CHMP3: variants seen among roughly 807,000 people sequenced by gnomAD.
CHMP3 encodes the protein charged multivesicular body protein 3, also known as 25.1 protein.
A neutral mutation model predicts 27.4 loss-of-function variants in CHMP3; 8 were observed. The observed-to-expected ratio is 0.29, with a 90% confidence interval of 0.17 to 0.53. CHMP3 has a LOEUF of 0.53. Ranked by LOEUF, CHMP3 falls within the 20% of genes least tolerant of loss-of-function variation. The pLI, the probability that CHMP3 is intolerant of heterozygous loss-of-function variation, is 0.96. For synonymous variants in CHMP3, 86 were observed against 85.5 expected (o/e 1.01, Z -0.03); for missense variants, 208 against 271.5 (o/e 0.77, Z 1.64).
At chr2:86,549,428 GCGCTCCT>G (rs1676777463) in intron 1 of CHMP3, among the ~76,000 whole-genome samples, 1 of 143,444 alleles carries the variant, frequency 7.0e-6, no homozygotes, top group East Asian at 2.2e-4. Context: ...CCGGGCAGAG[GCGCTCCT>G]CAGTTCCCAG....
chr2:86,556,726 C>A (rs1677136613), intron 1 of CHMP3, among the ~76,000 whole-genome samples: 1 of 152,214 alleles, frequency 6.6e-6, no homozygotes, highest in Admixed American at 6.5e-5. Flanking sequence ...TTTGTCATTA[C>A]ATCTGTACTG....
intron 1 of CHMP3, chr2:86,563,006 G>A (rs1385662348): frequency 6.2e-6 from 2 of 320,510 alleles, no homozygotes; most frequent in Non-Finnish European, 1.1e-5. Context: ...ACGCGCGCAG[G>A]GGGAAGAGGT....
intron 1 of CHMP3, among the ~76,000 whole-genome samples, chr2:86,549,259 G>T: frequency 6.9e-6 from 1 of 144,962 alleles, no homozygotes; most frequent in Admixed American, 6.8e-5. Flanking sequence ...CTCCCAGACG[G>T]GGCGGCAGGG....
rs1410762735 is a variant in CHMP3 at position 86,503,659 on chromosome 2, C to A, written c.*2145G>T. On this transcript the variant is annotated 3_prime_UTR_variant, in exon 6 of 6. Coordinates refer to ENST00000263856, the MANE Select transcript of CHMP3 (RefSeq NM_016079.4). ...TAAGCCATGAAATGACATGGAGGAA[C>A]CTTAATTGCATATTATTAAGTGAAA... is the stretch of plus-strand genomic sequence containing the variant. 6.6e-6 allele frequency: 1 copy of A among 151,946 alleles called. No individual in the cohort carries two copies. The highest frequency in any genetic ancestry group is 1.5e-5 in the Non-Finnish European group (1 of 67,992). The allele number at this position is 151,946 out of a possible 1,614,324, so 9.4% of individuals were successfully genotyped here.
chr2:86,531,655 T>C (rs1207875940), intron 2 of CHMP3, among the ~76,000 whole-genome samples: 2 of 152,236 alleles, frequency 1.3e-5, no homozygotes, highest in African/African-American at 2.4e-5. Context: ...CATTGTTAGG[T>C]AAAGGTCCAA....
At chr2:86,545,375 C>T (rs1676531168) in intron 1 of CHMP3, among the ~76,000 whole-genome samples, 1 of 134,724 alleles carries the variant, frequency 7.4e-6, no homozygotes, top group Admixed American at 7.3e-5. Flanking sequence ...TCCTCACCTC[C>T]CGGACGGGGT....
chr2:86,525,953 G>T (rs1675694035), intron 3 of CHMP3, among the ~76,000 whole-genome samples: 1 of 152,122 alleles, frequency 6.6e-6, no homozygotes, highest in Non-Finnish European at 1.5e-5. Context: ...AAGGCATGGG[G>T]TTAGATAAGA....
At chr2:86,540,364 T>C (rs1412395063) in intron 2 of CHMP3, among the ~76,000 whole-genome samples, 1 of 152,154 alleles carries the variant, frequency 6.6e-6, no homozygotes, top group African/African-American at 2.4e-5. Context: ...TTTTCTTTTT[T>C]CTGTCTGTAC....
intron 4 of CHMP3, among the ~76,000 whole-genome samples, chr2:86,508,648 C>T (rs1674978686): frequency 6.6e-6 from 1 of 152,158 alleles, no homozygotes; most frequent in Non-Finnish European, 1.5e-5. Flanking sequence ...CAGCTCCGGC[C>T]CTGGCTCCCT....
intron 2 of CHMP3, among the ~76,000 whole-genome samples, chr2:86,536,877 C>T (rs1676165323): frequency 1.3e-5 from 2 of 152,140 alleles, no homozygotes. Context: ...CTCTTAGGCT[C>T]TGCCCATTTT....
rs572378103 is a variant in CHMP3 at position 86,529,391 on chromosome 2, T to C, written c.113A>G (p.Gln38Arg). 9.4e-6 allele frequency: 15 copies of C among 1,595,540 alleles called. No individual in the cohort carries two copies. The South Asian group carries it at 1.3e-4, about 13-fold the overall frequency. The change falls in exon 3 of 6, where the codon CAA becomes CGA. Residue 38 changes from glutamine (Q) to arginine (R), a missense_variant. Gln to Arg is a conservative substitution (Grantham distance 43). Transcript: ENST00000263856. ...RVVDRQIRDI[Q>R]REEEKVKRSV... is the part of the protein sequence containing the mutation. The stretch of plus-strand genomic sequence containing the variant: ...TCGTTTCACTTTTTCTTCTTCTCTT[T>C]GGATATCTAAATTTAGAACAGAACA...
Position 86,537,112 on chromosome 2 carries a change from G to A in CHMP3, c.106+5140C>T, listed in dbSNP as rs558765001. On this transcript the variant is annotated intron_variant, in intron 2 of 5. Transcript: ENST00000263856. ...ACTCCTGGCCTCAAGCAACACACCT[G>A]CCTCAGCCTCCCAAAGTGTTGGGAT... Among the ~76,000 whole-genome samples the A allele has an allele frequency of 4.6e-5, 7 of 152,248 alleles. No individual in the cohort carries two copies. In the South Asian group the frequency reaches 1.5e-3, roughly 32 times the overall value.
chr2:86,522,353 A>C (rs934365704), intron 3 of CHMP3, among the ~76,000 whole-genome samples: 11 of 152,120 alleles, frequency 7.2e-5, no homozygotes, highest in African/African-American at 2.7e-4. Context: ...CCTTGTCCCA[A>C]GTTCTATCCT....
intron 2 of CHMP3, 92 bp downstream of exon 2, chr2:86,542,160 G>T: frequency 7.6e-7 from 1 of 1,313,940 alleles, no homozygotes. Flanking sequence ...AATAAACTAT[G>T]TCTTATGATA....
intron 2 of CHMP3, among the ~76,000 whole-genome samples, chr2:86,538,252 T>G (rs1326318659): frequency 6.6e-6 from 1 of 152,168 alleles, no homozygotes; most frequent in Admixed American, 6.5e-5. Flanking sequence ...GAATAGTGGT[T>G]ACCAGGGGCT....
chr2:86,534,030 G>C (rs1573270603), intron 2 of CHMP3, among the ~76,000 whole-genome samples: 1 of 151,976 alleles, frequency 6.6e-6, no homozygotes, highest in East Asian at 1.9e-4. Context: ...TCATCCTGTT[G>C]TGGTCAGAGA....
chr2:86,522,281 G>T (rs1407561361), intron 3 of CHMP3, among the ~76,000 whole-genome samples: 1 of 152,176 alleles, frequency 6.6e-6, no homozygotes, highest in Non-Finnish European at 1.5e-5. Context: ...GACATCTCAG[G>T]AACTTTGGTT....
chr2:86,548,195 T>TC (rs1676690668), intron 1 of CHMP3, among the ~76,000 whole-genome samples: 1 of 151,308 alleles, frequency 6.6e-6, no homozygotes, highest in Non-Finnish European at 1.5e-5. Context: ...TTTTTTTTTT[T>TC]TTTTTAGTAT....
In CHMP3 at chr2:86,518,614, T is replaced by A. The variant is rs1039257725; in HGVS notation, c.287-8135A>T. Among the ~76,000 whole-genome samples, 5 of 151,964 alleles carry A rather than the reference T, an allele frequency of 3.3e-5. No homozygotes were observed. In the East Asian group the frequency reaches 9.6e-4, roughly 29 times the overall value. ...CACACTATTGACAGTCCGGGCTGGGTAATTCTTTTGTTGGAGGCAGCTGTT... is the reference window on the plus strand; with the variant it reads ...CACACTATTGACAGTCCGGGCTGGGAAATTCTTTTGTTGGAGGCAGCTGTT... On this transcript the variant is annotated intron_variant, in intron 3 of 5. Coordinates refer to ENST00000263856, the MANE Select transcript of CHMP3 (RefSeq NM_016079.4).
Sources: gnomAD v4.1 joint callset for allele counts (sites outside exome capture counted in the v4.1 genomes callset) on GRCh38, gnomAD v4.1.1 for gene constraint, MANE v1.5 for transcripts, NCBI Gene and HGNC (gene_info 2026-07-23, HGNC 2026-07-21) for gene names.